ZNF577: variants seen among roughly 807,000 people sequenced by gnomAD.
ZNF577 encodes zinc finger protein 577.
ZNF577 carries 14 observed loss-of-function variants against 13.9 expected under a neutral mutation model. The observed-to-expected ratio is 1.00, with a 90% CI of 0.66 to 1.57. The LOEUF is 1.57. Ranked by LOEUF, ZNF577 falls within the 40% of genes most tolerant of loss-of-function variation. ZNF577 has a pLI of 0.00. For missense variants in ZNF577, 555 were observed against 579.2 expected (o/e 0.96, Z 0.43); for synonymous variants, 203 against 202.9 (o/e 1.00, Z 0.00).
rs773248236 is a variant in ZNF577, at chr19:51,824,159, C to T, written c.*600-12485G>A. ...ATCCAGCCTGGGCCCAGAACCATCG[C>T]ACCATGAGTCTGGCCAAGAGGGTGA... On this transcript the variant is annotated intron_variant and NMD_transcript_variant, in intron 9 of 10. Transcript: ENST00000638827. The surrounding 1 kb of genome is among the most constrained non-coding windows in gnomAD (Gnocchi z 4.7). 3 of 1,614,056 alleles carry T rather than the reference C, an allele frequency of 1.9e-6. No homozygotes were observed. Among genetic ancestry groups the T allele is most frequent in the Non-Finnish European group, 2.5e-6 (3 of 1,179,968 alleles).
In ZNF577 at chr19:51,872,086, A is replaced by G. The variant is rs2122654010; in HGVS notation, c.*446T>C. ...AGATTTCATTAAACACGTCCCTCCAAGACTCTCAAGACATAAAAGTATGAT... is the reference window on the plus strand; with the variant it reads ...AGATTTCATTAAACACGTCCCTCCAGGACTCTCAAGACATAAAAGTATGAT... On this transcript the variant is annotated 3_prime_UTR_variant, in exon 6 of 6. Transcript: ENST00000638348. The G allele has an allele frequency of 6.4e-6, 1 of 155,582 alleles. No individual in the cohort carries two copies. Among genetic ancestry groups the G allele is most frequent in the Non-Finnish European group, 1.4e-5 (1 of 70,388 alleles). 9.6% of individuals were successfully genotyped at this position (155,582 alleles called of 1,614,324 possible). A position where few individuals can be genotyped will look rare whatever the true frequency, so the allele number is the denominator to read the frequency against.
intron 5 of ZNF577, among the ~76,000 whole-genome samples, chr19:51,859,021 A>G (rs1478224786): frequency 6.6e-6 from 1 of 152,188 alleles, no homozygotes; most frequent in Non-Finnish European, 1.5e-5. Context: ...CTAGTGCCCA[A>G]TAACCACTAA....
rs113206035 is a variant in ZNF577, at chr19:51,885,668, C to T, written c.-219+1153G>A. Among the ~76,000 whole-genome samples the T allele has an allele frequency of 2.0e-5, 3 of 152,244 alleles. No individual in the cohort carries two copies. The East Asian group carries it at 5.8e-4, about 29-fold the overall frequency. On this transcript the variant is annotated intron_variant, in intron 1 of 5. Coordinates refer to ENST00000638348, the MANE Select transcript of ZNF577 (RefSeq NM_001370449.1). ...CTGGGATTACAGACACCCGCTACCA[C>T]GCCCTGCTAATTTTTGTATTTAGTA...
At position 51,872,560 on chromosome 19, in the gene ZNF577, A is replaced by G. The variant is rs773613946; in HGVS notation, c.1430T>C (p.Leu477Ser). Residue 477 changes from leucine to serine, a missense_variant, in exon 6 of 6, where the codon TTG becomes TCG. By Grantham distance (145) the Leu-to-Ser change is moderately radical (BLOSUM62 -2). Coordinates refer to ENST00000638348, the MANE Select transcript of ZNF577 (RefSeq NM_001370449.1). ...TTCTGATACAATATCTGTAAGATAC[A>G]AGATATAATTTATTACTGATGGGGC... Reference protein sequence around the residue: ...NVAPSVINYILYLTDIVSE With the variant: ...NVAPSVINYISYLTDIVSE 1 of 1,601,626 alleles carries G rather than the reference A, an allele frequency of 6.2e-7. No homozygotes were observed. The highest frequency in any genetic ancestry group is 1.1e-5 in the South Asian group (1 of 88,950).
At chr19:51,823,669 G>A in intron 9 of ZNF577, 1 of 1,183,314 alleles carries the variant, frequency 8.5e-7, no homozygotes, top group Non-Finnish European at 1.2e-6. Context: ...AGCTACAGTG[G>A]AAGTTAATGA....
At chr19:51,845,396 G>A (rs1030010115) in intron 5 of ZNF577, among the ~76,000 whole-genome samples, 1 of 152,032 alleles carries the variant, frequency 6.6e-6, no homozygotes, top group African/African-American at 2.4e-5. Context: ...GGCTGAGGCA[G>A]GAGAATCGCT....
intron 9 of ZNF577, chr19:51,826,139 T>C (rs2084230821): frequency 6.5e-6 from 1 of 152,872 alleles, no homozygotes; most frequent in Admixed American, 6.5e-5. Flanking sequence ...AGATTAAGTT[T>C]TCAATGTTAA....
Position 51,867,656 on chromosome 19 carries a change from G to T in ZNF577, c.*4876C>A, listed in dbSNP as rs10409526. 2.0e-5 allele frequency among the ~76,000 whole-genome samples: 3 copies of T among 150,650 alleles called. No homozygotes were observed. The highest frequency in any genetic ancestry group is 7.4e-5 in the African/African-American group (3 of 40,712). The stretch of plus-strand genomic sequence containing the variant: ...AAAAATTAGCCGGGTGTGGTGGCAG[G>T]CACCTGTAATCCCAGCTACTCAGGA... On this transcript the variant is annotated 3_prime_UTR_variant, in exon 6 of 6. Transcript: ENST00000638348.
In ZNF577 at chr19:51,869,199, C is replaced by T. The variant is rs1384526139; in HGVS notation, c.*3333G>A. On this transcript the variant is annotated 3_prime_UTR_variant, in exon 6 of 6. Coordinates refer to ENST00000638348, the MANE Select transcript of ZNF577 (RefSeq NM_001370449.1). ...TGCAGTTGAGATAAGAGGAAGGCAT[C>T]TGTCTCTTGCTCGTCCCTGGGAATG... Among the ~76,000 whole-genome samples, 2 of 152,172 alleles carry T rather than the reference C, an allele frequency of 1.3e-5. No individual in the cohort carries two copies. The highest frequency in any genetic ancestry group is 1.5e-5 in the Non-Finnish European group (1 of 68,038).
At chr19:51,866,521 C>T (rs1439056273), downstream of ZNF577, among the ~76,000 whole-genome samples, 1 of 152,168 alleles carries the variant, frequency 6.6e-6, no homozygotes, top group Non-Finnish European at 1.5e-5. Context: ...TGGCCCACAC[C>T]TTGACTTCAG....
chr19:51,874,441 G>C (rs2084722239), intron 5 of ZNF577, among the ~76,000 whole-genome samples: 1 of 151,294 alleles, frequency 6.6e-6, no homozygotes, highest in Non-Finnish European at 1.5e-5. Context: ...CAAGAAAAGG[G>C]AACAGCCAGT....
At chr19:51,806,832 G>A (rs1044830333) in intron 10 of ZNF577, among the ~76,000 whole-genome samples, 2 of 152,190 alleles carry the variant, frequency 1.3e-5, no homozygotes, top group African/African-American at 4.8e-5. Flanking sequence ...TGGGTCTAGC[G>A]TACTTTTAAC....
chr19:51,846,781 G>A (rs1161099380), intron 5 of ZNF577, among the ~76,000 whole-genome samples: 4 of 151,768 alleles, frequency 2.6e-5, no homozygotes, highest in Non-Finnish European at 1.5e-5. Flanking sequence ...CTGCAAACCA[G>A]AAAAAGATCT....
intron 5 of ZNF577, among the ~76,000 whole-genome samples, chr19:51,854,355 T>A (rs1438615405): frequency 6.6e-6 from 1 of 151,644 alleles, no homozygotes; most frequent in Non-Finnish European, 1.5e-5. Context: ...TGAGACAGGA[T>A]CTCACTCTTG....
At chr19:51,859,506 A>G (rs2084474348) in intron 5 of ZNF577, among the ~76,000 whole-genome samples, 1 of 152,084 alleles carries the variant, frequency 6.6e-6, no homozygotes, top group Non-Finnish European at 1.5e-5. Flanking sequence ...ACCTCATATA[A>G]CCTCACACTT....
intron 9 of ZNF577, among the ~76,000 whole-genome samples, chr19:51,833,923 T>C (rs1568436029): frequency 6.6e-6 from 1 of 152,220 alleles, no homozygotes; most frequent in Non-Finnish European, 1.5e-5. Context: ...CAGAGTGATA[T>C]GTTGATACAT....
At chr19:51,805,505 C>T (rs1204703319) in intron 10 of ZNF577, among the ~76,000 whole-genome samples, 3 of 152,154 alleles carry the variant, frequency 2.0e-5, no homozygotes, top group East Asian at 1.9e-4. Flanking sequence ...CAAGGTCCCA[C>T]GGATACTCAC....
rs2084851633 is a variant in ZNF577, at chr19:51,880,869, G to C, written c.-210C>G. 1 of 156,156 alleles carries C rather than the reference G, an allele frequency of 6.4e-6. No individual in the cohort carries two copies. The highest frequency in any genetic ancestry group is 1.4e-5 in the Non-Finnish European group (1 of 70,420). The allele number at this position is 156,156 out of a possible 1,614,324, so 9.7% of individuals were successfully genotyped here. A position where few individuals can be genotyped will look rare whatever the true frequency, so the allele number is the denominator to read the frequency against. On this transcript the variant is annotated 5_prime_UTR_variant, in exon 2 of 6. Coordinates refer to ENST00000638348, the MANE Select transcript of ZNF577 (RefSeq NM_001370449.1). Reference sequence around the variant, plus strand: ...TTACTGAAAATGTCTTGTTCCTATAGGCCAGAACCTGTGGATTCAAGACCA... The same window carrying C: ...TTACTGAAAATGTCTTGTTCCTATACGCCAGAACCTGTGGATTCAAGACCA...
At chr19:51,834,264 T>C (rs1044080682) in intron 9 of ZNF577, among the ~76,000 whole-genome samples, 3 of 152,188 alleles carry the variant, frequency 2.0e-5, no homozygotes, top group Non-Finnish European at 4.4e-5. Flanking sequence ...TTTATTTGTT[T>C]TGTGGAAACA....
Sources: allele counts gnomAD v4.1 joint callset (sites outside exome capture counted in the v4.1 genomes callset), GRCh38; gene constraint gnomAD v4.1.1; non-coding constraint Gnocchi (gnomAD v3.1); transcripts MANE v1.5; gene names NCBI Gene and HGNC (gene_info 2026-07-23, HGNC 2026-07-21).